Variants in CNTN1 observed in about 807,000 individuals in gnomAD.
CNTN1 encodes contactin-1.
Under a neutral mutation model 126.4 loss-of-function variants are expected in CNTN1, and 38 were observed. That is an observed-to-expected ratio of 0.30 (90% CI 0.23 to 0.39). CNTN1 has a LOEUF of 0.39. CNTN1 is among the 10% of genes least tolerant of loss of function. CNTN1 has a pLI of 1.00. For synonymous variants in CNTN1, 413 were observed against 422.6 expected, an observed-to-expected ratio of 0.98 and a Z score of 0.28; for missense variants, 1,009 against 1,248.4, an observed-to-expected ratio of 0.81 and a Z score of 2.89.
At chr12:41,006,353 C>G (rs879772289) in intron 17 of CNTN1, among the ~76,000 whole-genome samples, 3 of 152,184 alleles carry the variant, frequency 2.0e-5, no homozygotes, top group Non-Finnish European at 2.9e-5. Flanking sequence ...ATCTGCCTCC[C>G]TGCAGGTGTT....
chr12:40,911,080 T>G (rs149165115), intron 3 of CNTN1, among the ~76,000 whole-genome samples: 2 of 152,112 alleles, frequency 1.3e-5, no homozygotes, highest in Non-Finnish European at 1.5e-5. Context: ...CTTTTTAATT[T>G]ATTTATTTAT....
chr12:40,698,845 C>A (rs1941521567), intron 1 of CNTN1, among the ~76,000 whole-genome samples: 1 of 152,164 alleles, frequency 6.6e-6, no homozygotes, highest in South Asian at 2.1e-4. Flanking sequence ...AATCAAATTT[C>A]TTCCATCTCC....
At chr12:41,028,389 C>T (rs1175779255) in intron 22 of CNTN1, among the ~76,000 whole-genome samples, 1 of 152,036 alleles carries the variant, frequency 6.6e-6, no homozygotes, top group Non-Finnish European at 1.5e-5. Context: ...TAACGTAGTG[C>T]CATGATACAT....
At chr12:40,978,857 A>G (rs993970631) in intron 15 of CNTN1, 1 of 152,198 alleles carries the variant, frequency 6.6e-6, no homozygotes, top group African/African-American at 2.4e-5. Context: ...TCTGAATGCC[A>G]TACCCCTATG....
chr12:41,001,983 G>A (rs1948370975), intron 17 of CNTN1, among the ~76,000 whole-genome samples: 1 of 152,078 alleles, frequency 6.6e-6, no homozygotes, highest in Non-Finnish European at 1.5e-5. Context: ...ATTGGTCTAT[G>A]TGTCTGTTTT....
intron 3 of CNTN1, among the ~76,000 whole-genome samples, chr12:40,911,241 C>T (rs756471462): frequency 1.4e-3 from 215 of 152,114 alleles, no homozygotes; most frequent in Non-Finnish European, 1.4e-3. Flanking sequence ...CAACCACGCC[C>T]GGCTAATTTT....
At chr12:41,024,396 A>G (rs1948992663) in intron 20 of CNTN1, among the ~76,000 whole-genome samples, 3 of 152,200 alleles carry the variant, frequency 2.0e-5, no homozygotes, top group African/African-American at 4.8e-5. Flanking sequence ...ATAATTATAA[A>G]TCTTGAATGC....
chr12:41,059,773 C>T (rs1165786375), intron 23 of CNTN1, among the ~76,000 whole-genome samples: 3 of 152,038 alleles, frequency 2.0e-5, no homozygotes, highest in Admixed American at 6.5e-5. Flanking sequence ...GCCTGTAATC[C>T]GAGTACTTTG....
intron 12 of CNTN1, 116 bp from the exon 13 acceptor site, chr12:40,943,481 T>C (rs1170539102): frequency 2.7e-6 from 2 of 748,880 alleles, no homozygotes; most frequent in Admixed American, 2.8e-5. Flanking sequence ...ATGTCTGTGG[T>C]CGCATGATTT....
In CNTN1 at chr12:40,767,046, G is replaced by A. The variant is rs539211850; in HGVS notation, c.-77+74454G>A. On this transcript the variant is annotated intron_variant, in intron 1 of 23. Coordinates refer to ENST00000551295, the MANE Select transcript of CNTN1 (RefSeq NM_001843.4). ...AGAGATTGGGAATGGAGATAGATTT[G>A]AGAATCATGGGTTAATAATAATGAA... Among the ~76,000 whole-genome samples the A allele has an allele frequency of 8.5e-5, 13 of 152,222 alleles. 1 individual carries two copies. Among genetic ancestry groups the A allele is most frequent in the Admixed American group, 7.8e-4 (12 of 15,294 alleles).
Position 41,016,894 on chromosome 12 carries a change from A to C in CNTN1, c.2397A>C (p.Ala799=), listed in dbSNP as rs746095947. ...NKGDGPYSLV[A]VINSAQDAPS... is the part of the protein sequence containing the mutation. ...GAGATGGACCTTACAGCCTAGTAGC[A>C]GTCATTAATTCAGCACAAGACGGTA... The change falls in exon 19 of 24, where the codon GCA becomes GCC. Residue 799 remains alanine (A), a synonymous_variant. Transcript: ENST00000551295. 1.1e-5 allele frequency: 17 copies of C among 1,614,126 alleles called. No homozygotes were observed. The highest frequency in any genetic ancestry group is 1.2e-5 in the Non-Finnish European group (14 of 1,179,950).
At chr12:40,768,894 T>C (rs1430181948) in intron 1 of CNTN1, among the ~76,000 whole-genome samples, 1 of 152,200 alleles carries the variant, frequency 6.6e-6, no homozygotes, top group Non-Finnish European at 1.5e-5. Flanking sequence ...GACTATTTAT[T>C]TTTATTTTAT....
intron 1 of CNTN1, among the ~76,000 whole-genome samples, chr12:40,860,263 A>G (rs551877096): frequency 1.3e-5 from 2 of 152,290 alleles, no homozygotes; most frequent in African/African-American, 4.8e-5. Context: ...CTGATGATAC[A>G]TTAGGATAAT....
chr12:40,840,651 A>G (rs1346999333), intron 1 of CNTN1, among the ~76,000 whole-genome samples: 1 of 152,032 alleles, frequency 6.6e-6, no homozygotes, highest in Non-Finnish European at 1.5e-5. Flanking sequence ...GTATCTTCTC[A>G]GACCACAATG....
rs12297122 is a variant in CNTN1 at position 41,069,878 on chromosome 12, C to T, written c.2981-81C>T. The T allele has an allele frequency of 0.077, 85,173 of 1,106,904 alleles. 6,168 individuals are homozygous for T. Among genetic ancestry groups the T allele is most frequent in the African/African-American group, 0.34 (22,006 of 65,144 alleles). The allele number at this position is 1,106,904 out of a possible 1,614,324, so 68.6% of individuals were successfully genotyped here. On this transcript the variant is annotated intron_variant, in intron 23 of 23. Coordinates refer to ENST00000551295, the MANE Select transcript of CNTN1 (RefSeq NM_001843.4). The stretch of plus-strand genomic sequence containing the variant: ...TTTGTTTTCCAGGGCTATGCAATCT[C>T]GCCTTAGCTGAAGCAGACTAAATGA...
rs1940625315 is a variant in CNTN1 at position 40,801,009 on chromosome 12, A to AT, written c.-76-107348_-76-107347insT. On this transcript the variant is annotated intron_variant, in intron 1 of 23. Transcript: ENST00000551295. ...TGTGGGTAACAGCAGGTCAAACTAG[A>AT]GTTTTGTTTTTTTTTTTTTTAAGAT... is the stretch of plus-strand genomic sequence containing the variant. Among the ~76,000 whole-genome samples the AT allele has an allele frequency of 4.8e-5, 5 of 103,598 alleles. No homozygotes were observed. The South Asian group carries it at 1.1e-3, about 23-fold the overall frequency. The allele number at this position is 103,598 out of a possible 152,430, so 68.0% of individuals were successfully genotyped here. A position where few individuals can be genotyped will look rare whatever the true frequency, so the allele number is the denominator to read the frequency against.
intron 15 of CNTN1, among the ~76,000 whole-genome samples, chr12:40,974,080 C>T (rs1947603602): frequency 1.3e-5 from 2 of 152,082 alleles, no homozygotes; most frequent in Non-Finnish European, 2.9e-5. Context: ...AACTGATTAA[C>T]TATATTTCTC....
chr12:40,865,003 T>C (rs1943250269), intron 1 of CNTN1, among the ~76,000 whole-genome samples: 1 of 152,176 alleles, frequency 6.6e-6, no homozygotes, highest in South Asian at 2.1e-4. Context: ...CCAAAATTTC[T>C]TCTTGCCTTT....
intron 1 of CNTN1, among the ~76,000 whole-genome samples, chr12:40,879,246 T>C (rs760075661): frequency 3.3e-5 from 5 of 152,194 alleles, no homozygotes; most frequent in Non-Finnish European, 7.3e-5. Context: ...GAACATTGGT[T>C]GGCAGCTCTT....
Sources: gnomAD v4.1 joint callset for allele counts (sites outside exome capture counted in the v4.1 genomes callset) on GRCh38, gnomAD v4.1.1 for gene constraint, MANE v1.5 for transcripts, NCBI Gene and HGNC (gene_info 2026-07-23, HGNC 2026-07-21) for gene names.